CCT2: variants seen among roughly 807,000 people sequenced by gnomAD.
CCT2 encodes the protein chaperonin containing TCP1 subunit 2.
A neutral mutation model predicts 61.8 loss-of-function variants in CCT2; 18 were observed. The ratio of observed to expected loss-of-function variants is 0.29; its 90% CI spans 0.20 to 0.43. The LOEUF is 0.43. CCT2 is among the 20% of genes least tolerant of loss of function. The pLI, the probability that CCT2 is intolerant of heterozygous loss-of-function variation, is 1.00. For missense variants in CCT2, 556 were observed against 656.9 expected, an observed-to-expected ratio of 0.85 and a Z score of 1.68; for synonymous variants, 248 against 215.9, an observed-to-expected ratio of 1.15 and a Z score of -1.30.
intron 10 of CCT2, 29 bp downstream of exon 10, chr12:69,593,642 A>G: frequency 7.6e-7 from 1 of 1,312,588 alleles, no homozygotes. Flanking sequence ...GTTTTCTAAC[A>G]AACACAATAG....
In CCT2 at chr12:69,597,736, G is replaced by A; in HGVS notation, c.1201G>A (p.Val401Ile). Residue 401 changes from valine (V) to isoleucine (I), a missense_variant, in exon 12 of 16, where the codon GTA becomes ATA. Around this residue, in one of 3 missense-constraint regions of CCT2, gnomAD observed 225 missense variants for 249.8 expected, o/e 0.90. Transcript: ENST00000299300. ...HDALCVLAQT[V>I]KDSRTVYGGG... ...TGCTCTTTGTGTTCTTGCGCAAACT[G>A]TAAAGGACTCTAGAACAGTTTATGG... is the stretch of plus-strand genomic sequence containing the variant. 6.2e-7 allele frequency: 1 copy of A among 1,613,618 alleles called. No individual in the cohort carries two copies. The highest frequency in any genetic ancestry group is 1.7e-5 in the Admixed American group (1 of 60,012).
rs1441953510 is a variant in CCT2, at chr12:69,587,711, T to G, written c.256+95T>G. 4 of 779,058 alleles carry G rather than the reference T, an allele frequency of 5.1e-6. No individual in the cohort carries two copies. The East Asian group carries it at 7.9e-5, about 15-fold the overall frequency. 48.3% of individuals were successfully genotyped at this position (779,058 alleles called of 1,614,324 possible). A position where few individuals can be genotyped will look rare whatever the true frequency, so the allele number is the denominator to read the frequency against. ...AATAGGCTGTGTTGACCAATCGTAC[T>G]GTCAATTGATGTCCACTAGTTGTTA... On this transcript the variant is annotated intron_variant, in intron 4 of 15. Transcript: ENST00000299300.
rs896590684 is a variant in CCT2, at chr12:69,587,564, C to T, written c.204C>T (p.Ala68=). 3 of 1,613,694 alleles carry T rather than the reference C, an allele frequency of 1.9e-6. No individual in the cohort carries two copies. Among genetic ancestry groups the T allele is most frequent in the African/African-American group, 2.7e-5 (2 of 74,922 alleles). ...CTCTTATGGTAACCAATGATGGTGC[C>T]ACTATTCTAAAAAACATTGGTGTTG... ...DASLMVTNDG[A]TILKNIGVDN... The change falls in exon 4 of 16, where the codon GCC becomes GCT. Residue 68 remains alanine (A), a synonymous_variant. Transcript: ENST00000299300.
At chr12:69,585,676 T>A (rs997435319) in intron 1 of CCT2, 152 bp downstream of exon 1, 2 of 1,518,446 alleles carry the variant, frequency 1.3e-6, no homozygotes, top group Non-Finnish European at 8.8e-7. Flanking sequence ...GCGTGCGGCC[T>A]GCGCCAGGCC....
rs369156960 is a variant in CCT2, at chr12:69,587,496, T to A, written c.145-9T>A. On this transcript the variant is annotated splice_polypyrimidine_tract_variant and intron_variant, in intron 3 of 15. Coordinates refer to ENST00000299300, the MANE Select transcript of CCT2 (RefSeq NM_006431.3). ...ATGTCTTAACTTGAACCAATTATGT[T>A]CCCTTTAGGACAAAATTCTTCTAAG... 1 of 1,526,988 alleles carries A rather than the reference T, an allele frequency of 6.5e-7. No homozygotes were observed. The highest frequency in any genetic ancestry group is 9.1e-7 in the Non-Finnish European group (1 of 1,101,144). 94.6% of individuals were successfully genotyped at this position (1,526,988 alleles called of 1,614,324 possible).
Position 69,598,345 on chromosome 12 carries a change from T to C in CCT2, c.1359T>C (p.Asn453=). The change falls in exon 14 of 16, where the codon AAT becomes AAC. Residue 453 remains asparagine, a synonymous_variant. Coordinates refer to ENST00000299300, the MANE Select transcript of CCT2 (RefSeq NM_006431.3). ...LRMLPTIIAD[N]AGYDSADLVA... ...AGTTGCCAACCATCATAGCTGACAA[T>C]GCAGGCTATGACAGTGCAGACCTGG... is the stretch of plus-strand genomic sequence containing the variant. 7 of 1,594,634 alleles carry C rather than the reference T, an allele frequency of 4.4e-6. No homozygotes were observed. The highest frequency in any genetic ancestry group is 1.7e-4 in the Middle Eastern group (1 of 5,982).
intron 14 of CCT2, among the ~76,000 whole-genome samples, chr12:69,599,123 G>C (rs1000452957): frequency 2.6e-5 from 4 of 152,184 alleles, no homozygotes; most frequent in African/African-American, 9.7e-5. Flanking sequence ...GTCTTGCTCT[G>C]TTCCCCAGGC....
chr12:69,589,143 G>GACGCCGTATCATTAAAAAA, intron 6 of CCT2: 1 of 304,254 alleles, frequency 3.3e-6, no homozygotes, highest in Non-Finnish European at 6.2e-6. Context: ...GCTCAGGCTG[G>GACGCCGTATCATTAAAAAA]TCTTGAACTG....
chr12:69,594,029 G>A (rs557903749), intron 10 of CCT2, among the ~76,000 whole-genome samples: 1 of 151,936 alleles, frequency 6.6e-6, no homozygotes, highest in Non-Finnish European at 1.5e-5. Context: ...CTAGCCACTT[G>A]GGGGGAGGCT....
intron 8 of CCT2, 86 bp downstream of exon 8, chr12:69,592,245 G>C (rs1881856489): frequency 1.5e-5 from 10 of 688,550 alleles, no homozygotes; most frequent in South Asian, 1.3e-4. Flanking sequence ...GGGAGGCCAA[G>C]GTGGTGGATC....
chr12:69,589,878 T>C (rs530028040), intron 7 of CCT2, 191 bp downstream of exon 7: 2 of 589,496 alleles, frequency 3.4e-6, no homozygotes, highest in Admixed American at 3.0e-5. Flanking sequence ...CCAGCATTGT[T>C]GATGATCTCT....
intron 10 of CCT2, among the ~76,000 whole-genome samples, chr12:69,595,055 G>C (rs1009363281): frequency 9.0e-6 from 1 of 111,016 alleles, no homozygotes; most frequent in African/African-American, 4.2e-5. Context: ...AAGTTGGTTT[G>C]GGAATGAGAA....
In CCT2 at chr12:69,601,365, C is replaced by G; in HGVS notation, c.*40C>G. ...TGTCGATCTTTGGACCAGTTTCTAGCAAAGTTGTGTTTGAAAGATACTCTA... is the reference window on the plus strand; with the variant it reads ...TGTCGATCTTTGGACCAGTTTCTAGGAAAGTTGTGTTTGAAAGATACTCTA... On this transcript the variant is annotated 3_prime_UTR_variant, in exon 16 of 16. Transcript: ENST00000299300. 1.2e-6 allele frequency: 2 copies of G among 1,613,912 alleles called. No homozygotes were observed. Among genetic ancestry groups the G allele is most frequent in the Non-Finnish European group, 1.7e-6 (2 of 1,179,868 alleles).
chr12:69,588,688 C>T (rs370600687), intron 6 of CCT2, among the ~76,000 whole-genome samples: 6 of 152,130 alleles, frequency 3.9e-5, no homozygotes, highest in South Asian at 2.1e-4. Context: ...AACTTTGTGA[C>T]GTTGCGACAT....
intron 1 of CCT2, 75 bp downstream of exon 1, chr12:69,585,599 C>T: frequency 6.4e-7 from 1 of 1,551,222 alleles, no homozygotes; most frequent in Non-Finnish European, 8.7e-7. Context: ...TTCCTCTGTC[C>T]TGCTAGGGTC....
intron 1 of CCT2, 59 bp from the exon 2 acceptor site, chr12:69,586,211 C>T: frequency 7.7e-7 from 1 of 1,293,754 alleles, no homozygotes; most frequent in Admixed American, 1.7e-5. Context: ...GAAGGCACCT[C>T]AGTGTATGTG....
intron 15 of CCT2, 78 bp from the exon 16 acceptor site, chr12:69,601,217 T>C: frequency 1.8e-6 from 2 of 1,132,736 alleles, no homozygotes; most frequent in East Asian, 4.8e-5. Flanking sequence ...ATTCTAGTTG[T>C]GTTTGTATTT....
chr12:69,588,436 T>A (rs1278619074), intron 6 of CCT2, 174 bp downstream of exon 6: 3 of 571,748 alleles, frequency 5.2e-6, no homozygotes, highest in South Asian at 4.6e-5. Flanking sequence ...AAGTTAAGTT[T>A]GGGTTTTTAG....
rs1022658138 is a variant in CCT2 at position 69,599,779 on chromosome 12, G to A, written c.1436-84G>A. ...GTTGGGTGTCCTAATTTTATTAATA[G>A]GATTAATTTTTATTATAAATCATTA... is the stretch of plus-strand genomic sequence containing the variant. On this transcript the variant is annotated intron_variant, in intron 14 of 15. Coordinates refer to ENST00000299300, the MANE Select transcript of CCT2 (RefSeq NM_006431.3). 2.7e-6 allele frequency: 3 copies of A among 1,123,988 alleles called. No homozygotes were observed. In the African/African-American group the frequency reaches 4.8e-5, roughly 18 times the overall value. 69.6% of individuals were successfully genotyped at this position (1,123,988 alleles called of 1,614,324 possible). A position where few individuals can be genotyped will look rare whatever the true frequency, so the allele number is the denominator to read the frequency against.
Sources: allele counts gnomAD v4.1 joint callset (sites outside exome capture counted in the v4.1 genomes callset), GRCh38; gene constraint gnomAD v4.1.1; regional missense constraint gnomAD v4.1.1; transcripts MANE v1.5; gene names NCBI Gene and HGNC (gene_info 2026-07-23, HGNC 2026-07-21).